AHNAK: variants seen among roughly 807,000 people sequenced by gnomAD.
The protein encoded by AHNAK is neuroblast differentiation-associated protein AHNAK.
In AHNAK, 23 loss-of-function variants were observed where a neutral mutation model predicts 37.8. The observed-to-expected ratio is 0.61, with a 90% CI of 0.44 to 0.86. The LOEUF (loss-of-function observed/expected upper bound fraction) is 0.86, where lower values mean the gene tolerates loss of function less well. AHNAK is among the 40% of genes least tolerant of loss of function. AHNAK has a pLI of 0.00. For missense variants in AHNAK, 7,411 were observed against 7,319.4 expected (o/e 1.01, Z -0.46); for synonymous variants, 2,481 against 2,636.3 (o/e 0.94, Z 1.80).
chr11:62,467,211 T>TTA (rs1555021799), intron 5 of AHNAK, among the ~76,000 whole-genome samples: 1 of 137,946 alleles, frequency 7.2e-6, no homozygotes, highest in African/African-American at 2.7e-5. Flanking sequence ...GATCCTGTCT[T>TTA]AAAAAAAAAA....
At chr11:62,493,997 A>C (rs1179897506) in intron 4 of AHNAK, among the ~76,000 whole-genome samples, 1 of 152,038 alleles carries the variant, frequency 6.6e-6, no homozygotes, top group Admixed American at 6.6e-5. Flanking sequence ...TGGATAGATG[A>C]ATGATGAGTG....
intron 4 of AHNAK, among the ~76,000 whole-genome samples, chr11:62,499,680 G>A (rs1479475098): frequency 6.6e-6 from 1 of 152,242 alleles, no homozygotes; most frequent in African/African-American, 2.4e-5. Context: ...TGCTGGTGGG[G>A]CTTAGGAGCT....
chr11:62,470,170 A>T (rs1470823151), intron 5 of AHNAK, among the ~76,000 whole-genome samples: 1 of 152,036 alleles, frequency 6.6e-6, no homozygotes, highest in African/African-American at 2.4e-5. Context: ...GTGTGTGGCC[A>T]GGTGCAGTGG....
intron 5 of AHNAK, among the ~76,000 whole-genome samples, chr11:62,452,413 G>GGTCTAT (rs1483868933): frequency 2.0e-5 from 3 of 152,106 alleles, no homozygotes; most frequent in African/African-American, 7.2e-5. Context: ...CTGCAGAGAG[G>GGTCTAT]GTCTATGCTG....
intron 5 of AHNAK, among the ~76,000 whole-genome samples, chr11:62,442,939 C>T (rs944254122): frequency 3.9e-5 from 6 of 151,958 alleles, no homozygotes; most frequent in Non-Finnish European, 7.4e-5. Context: ...ACCTGGGTGA[C>T]CTAAGCCTGG....
chr11:62,521,374 G>C lies in AHNAK; in HGVS notation c.13043C>G (p.Ser4348Cys). ...GGCATCAATGTCCACTTTGGGGCCA[G>C]AAATCTCAATGTCAGCCTTAGGAAG... ...VTLPKADIEI[S>C]GPKVDIDAPD... The change falls in exon 5 of 5, where the codon TCT becomes TGT. Residue 4348 changes from serine (S) to cysteine (C), a missense_variant. Physicochemically the swap from Ser to Cys is moderately radical, Grantham distance 112. Coordinates refer to ENST00000378024, the MANE Select transcript of AHNAK (RefSeq NM_001620.3). 1 of 1,613,452 alleles carries C rather than the reference G, an allele frequency of 6.2e-7. No homozygotes were observed. The highest frequency in any genetic ancestry group is 8.5e-7 in the Non-Finnish European group (1 of 1,179,868).
chr11:62,480,891 C>T (rs1939257524), intron 5 of AHNAK, among the ~76,000 whole-genome samples: 1 of 150,466 alleles, frequency 6.6e-6, no homozygotes, highest in East Asian at 1.9e-4. Context: ...ATGCTCGTTG[C>T]CTAGGCAGGA....
At chr11:62,485,474 G>A (rs1009163322) in intron 5 of AHNAK, among the ~76,000 whole-genome samples, 12 of 151,896 alleles carry the variant, frequency 7.9e-5, no homozygotes, top group Non-Finnish European at 1.0e-4. Flanking sequence ...AGTCCGAGGC[G>A]GGCGGATCAC....
intron 3 of AHNAK, 52 bp from the exon 4 acceptor site, chr11:62,535,242 C>T: frequency 6.6e-7 from 1 of 1,513,214 alleles, no homozygotes; most frequent in Non-Finnish European, 9.1e-7. Flanking sequence ...CTCAGGGAAA[C>T]CGCACACAGC....
Position 62,527,793 on chromosome 11 carries a change from C to A in AHNAK, c.6624G>T (p.Lys2208Asn). ...CTGGCACTTTCATTTCACCTTCTAC[C>A]TTGGGAACAGACACATCCATATCCC... ...VKGDMDVSVPKVEGEMKVPDV... is the reference protein window; with the variant it reads ...VKGDMDVSVPNVEGEMKVPDV... Residue 2208 changes from lysine (K) to asparagine (N), a missense_variant, in exon 5 of 5, where the codon AAG becomes AAT. Transcript: ENST00000378024. 6 of 1,613,792 alleles carry A rather than the reference C, an allele frequency of 3.7e-6. No individual in the cohort carries two copies. The highest frequency in any genetic ancestry group is 4.2e-6 in the Non-Finnish European group (5 of 1,179,976).
At chr11:62,484,973 G>C (rs558796995) in intron 5 of AHNAK, among the ~76,000 whole-genome samples, 33 of 152,252 alleles carry the variant, frequency 2.2e-4, no homozygotes, top group Admixed American at 2.1e-3. Context: ...ATTTTTAGTA[G>C]AGACGGGGTT....
At chr11:62,442,365 T>C (rs1287645307) in intron 5 of AHNAK, among the ~76,000 whole-genome samples, 1 of 152,054 alleles carries the variant, frequency 6.6e-6, no homozygotes, top group Non-Finnish European at 1.5e-5. Flanking sequence ...TTGGGCAGCA[T>C]GGCAAAATCC....
In AHNAK at chr11:62,534,074, T is replaced by C; in HGVS notation, c.343A>G (p.Ser115Gly). 1 of 1,530,888 alleles carries C rather than the reference T, an allele frequency of 6.5e-7. No homozygotes were observed. Among genetic ancestry groups the C allele is most frequent in the Non-Finnish European group, 8.8e-7 (1 of 1,139,072 alleles). 94.8% of individuals were successfully genotyped at this position (1,530,888 alleles called of 1,614,324 possible). A position where few individuals can be genotyped will look rare whatever the true frequency, so the allele number is the denominator to read the frequency against. The change falls in exon 5 of 5, where the codon AGC becomes GGC. Residue 115 changes from serine to glycine, a missense_variant and splice_region_variant. By Grantham distance (56) the Ser-to-Gly change is moderately conservative (BLOSUM62 0). Coordinates refer to ENST00000378024, the MANE Select transcript of AHNAK (RefSeq NM_001620.3). ...FSSCSSEVVL[S>G]GDDEEYQRIY... The stretch of plus-strand genomic sequence containing the variant: ...CGCTGGTACTCCTCATCATCCCCGC[T>C]CTGCAGAAAGACACGCCGGGCAGAG...
intron 5 of AHNAK, among the ~76,000 whole-genome samples, chr11:62,446,279 A>C (rs1033924182): frequency 2.0e-4 from 30 of 151,834 alleles, no homozygotes; most frequent in Non-Finnish European, 2.4e-4. Context: ...GGAACCTGAA[A>C]CTCAAGTCCT....
intron 5 of AHNAK, among the ~76,000 whole-genome samples, chr11:62,451,363 C>T (rs3017092): frequency 0.29 from 43,014 of 150,586 alleles, 8,734 homozygotes; most frequent in East Asian, 0.49. Flanking sequence ...TCCCAGCTGA[C>T]AGCCTGGCAG....
At chr11:62,509,133 T>G (rs541585092) in intron 4 of AHNAK, among the ~76,000 whole-genome samples, 1 of 152,118 alleles carries the variant, frequency 6.6e-6, no homozygotes, top group African/African-American at 2.4e-5. Flanking sequence ...TGCCCCAAAA[T>G]GTATAACCTG....
intron 4 of AHNAK, among the ~76,000 whole-genome samples, chr11:62,496,329 A>T (rs1939608445): frequency 6.6e-6 from 1 of 152,208 alleles, no homozygotes; most frequent in Non-Finnish European, 1.5e-5. Flanking sequence ...TAGCCATCCT[A>T]GGTGCTGTTG....
In AHNAK at chr11:62,526,952, T is replaced by A. The variant is rs1167205695; in HGVS notation, c.7465A>T (p.Ile2489Phe). Reference protein sequence around the residue: ...EGKLEVPDMNIRGPKVDVNAP... With the variant: ...EGKLEVPDMNFRGPKVDVNAP... ...TTTACATCAACTTTGGGGCCCCTGA[T>A]GTTCATATCTGGTACTTCAAGTTTA... Residue 2489 changes from isoleucine (I) to phenylalanine (F), a missense_variant, in exon 5 of 5, where the codon ATC (isoleucine) becomes TTC (phenylalanine). Physicochemically the swap from Ile to Phe is conservative, Grantham distance 21. Transcript: ENST00000378024. 6.2e-7 allele frequency: 1 copy of A among 1,614,178 alleles called. No individual in the cohort carries two copies. Among genetic ancestry groups the A allele is most frequent in the South Asian group, 1.1e-5 (1 of 91,078 alleles).
rs1163071440 is a variant in AHNAK, at chr11:62,531,321, T to G, written c.3096A>C (p.Pro1032=). ...LSKANVDISA[P]KVDTNAPDLS... is the part of the protein sequence containing the mutation. Reference sequence around the variant, plus strand: ...GATCTGGAGCATTAGTATCTACTTTTGGTGCAGAAATGTCCACATTCGCTT... The same window carrying G: ...GATCTGGAGCATTAGTATCTACTTTGGGTGCAGAAATGTCCACATTCGCTT... Residue 1032 remains proline, a synonymous_variant, in exon 5 of 5, where the codon CCA becomes CCC. Coordinates refer to ENST00000378024, the MANE Select transcript of AHNAK (RefSeq NM_001620.3). The G allele has an allele frequency of 8.1e-6, 13 of 1,613,358 alleles. No individual in the cohort carries two copies. The highest frequency in any genetic ancestry group is 1.0e-5 in the Non-Finnish European group (12 of 1,179,830).
Sources: allele counts gnomAD v4.1 joint callset (sites outside exome capture counted in the v4.1 genomes callset), GRCh38; gene constraint gnomAD v4.1.1; transcripts MANE v1.5; gene names NCBI Gene and HGNC (gene_info 2026-07-23, HGNC 2026-07-21).